Variants in CRISPLD1 observed in about 807,000 individuals in gnomAD.
CRISPLD1 encodes cysteine rich secretory protein LCCL domain containing 1, also known as cysteine-rich secretory protein LCCL domain-containing 1.
Under a neutral mutation model 77.5 loss-of-function variants are expected in CRISPLD1, and 60 were observed. That is an observed-to-expected ratio of 0.77 (90% CI 0.63 to 0.96). The LOEUF is 0.96. Among genes scored for constraint, CRISPLD1 ranks in the 40% least tolerant of loss-of-function variants. The pLI is 0.00. For synonymous variants in CRISPLD1, 195 were observed against 200.1 expected (o/e 0.97, Z 0.22); for missense variants, 623 against 615.8 (o/e 1.01, Z -0.12).
chr8:75,001,451 G>A (rs569812632), intron 2 of CRISPLD1, among the ~76,000 whole-genome samples: 1 of 152,204 alleles, frequency 6.6e-6, no homozygotes, highest in East Asian at 1.9e-4. Context: ...TTGATGAACT[G>A]TTTTCAAGAT....
intron 2 of CRISPLD1, among the ~76,000 whole-genome samples, chr8:74,990,880 G>A (rs1276024447): frequency 2.0e-5 from 3 of 151,360 alleles, no homozygotes; most frequent in Non-Finnish European, 2.9e-5. Context: ...GCCAAATTGT[G>A]TAGGTTCTGT....
chr8:74,985,644 T>C (rs1250546447), intron 1 of CRISPLD1, among the ~76,000 whole-genome samples: 1 of 152,182 alleles, frequency 6.6e-6, no homozygotes, highest in African/African-American at 2.4e-5. Flanking sequence ...ATTTTCAAGC[T>C]TTGACTCTTC....
intron 2 of CRISPLD1, among the ~76,000 whole-genome samples, chr8:75,008,726 G>C (rs1047097518): frequency 6.6e-6 from 1 of 151,956 alleles, no homozygotes; most frequent in African/African-American, 2.4e-5. Flanking sequence ...GCTTTTCCCA[G>C]TATTTTTAAT....
chr8:75,029,630 C>T, intron 14 of CRISPLD1, 113 bp downstream of exon 14: 1 of 1,064,764 alleles, frequency 9.4e-7, no homozygotes, highest in Non-Finnish European at 1.3e-6. Flanking sequence ...AGTTAAGTGG[C>T]AGAGCCAGTG....
chr8:75,022,593 A>G (rs1286100326), intron 12 of CRISPLD1, among the ~76,000 whole-genome samples: 1 of 151,264 alleles, frequency 6.6e-6, no homozygotes, highest in Non-Finnish European at 1.5e-5. Flanking sequence ...GTCTCAGAAA[A>G]AAAAAAAAAA....
chr8:75,012,456 A>T lies in CRISPLD1; in HGVS notation c.282A>T (p.Arg94Ser). 1 of 1,612,396 alleles carries T rather than the reference A, an allele frequency of 6.2e-7. No individual in the cohort carries two copies. Among genetic ancestry groups the T allele is most frequent in the Non-Finnish European group, 8.5e-7 (1 of 1,178,604 alleles). The change falls in exon 3 of 15, where the codon AGA becomes AGT. Residue 94 changes from arginine (R) to serine (S), a missense_variant. Arg to Ser is a moderately radical substitution (Grantham distance 110). Coordinates refer to ENST00000262207, the MANE Select transcript of CRISPLD1 (RefSeq NM_031461.6). ...EYMTWDVELE[R>S]SAESWAESCL... ...AGACATGGGATGTAGAGCTGGAAAG[A>T]TCTGCAGAATCCTGGGCTGAAAGTT...
At chr8:75,012,617 C>A in intron 3 of CRISPLD1, 66 bp downstream of exon 3, 2 of 1,104,084 alleles carry the variant, frequency 1.8e-6, no homozygotes, top group Non-Finnish European at 2.8e-6. Context: ...CTTATTAATT[C>A]ATCAGTACAA....
intron 14 of CRISPLD1, among the ~76,000 whole-genome samples, chr8:75,030,643 G>A (rs150905230): frequency 2.6e-5 from 4 of 151,566 alleles, no homozygotes; most frequent in Non-Finnish European, 4.4e-5. Flanking sequence ...GCTCAGCTTC[G>A]ACAGCCCTGA....
intron 14 of CRISPLD1, among the ~76,000 whole-genome samples, 173 bp from the exon 15 acceptor site, chr8:75,032,018 T>C (rs1355176438): frequency 3.3e-5 from 5 of 152,016 alleles, no homozygotes; most frequent in Admixed American, 2.0e-4. Flanking sequence ...TTAAGAGTTA[T>C]GTCATCCTCA....
At chr8:75,018,663 A>G (rs1176964941) in intron 10 of CRISPLD1, among the ~76,000 whole-genome samples, 3 of 151,620 alleles carry the variant, frequency 2.0e-5, no homozygotes, top group African/African-American at 7.3e-5. Context: ...CCAAAAAAAA[A>G]ATTTTTTTTA....
chr8:75,026,486 T>C (rs1340314059), intron 13 of CRISPLD1: 2 of 152,204 alleles, frequency 1.3e-5, no homozygotes, highest in Non-Finnish European at 2.9e-5. Context: ...GATAGCTTTG[T>C]CTCTAAGCTG....
chr8:75,018,540 C>G (rs1813077482), intron 10 of CRISPLD1, among the ~76,000 whole-genome samples: 1 of 152,060 alleles, frequency 6.6e-6, no homozygotes, highest in East Asian at 1.9e-4. Context: ...ATCCACCCGC[C>G]TCAGCCTCAC....
At chr8:74,986,282 T>C (rs1361705923) in intron 2 of CRISPLD1, 37 bp downstream of exon 2, 2 of 1,575,628 alleles carry the variant, frequency 1.3e-6, no homozygotes, top group Admixed American at 1.7e-5. Flanking sequence ...ACAAAAGAAA[T>C]GTTTATTCAT....
At chr8:74,990,898 G>A (rs1367899407) in intron 2 of CRISPLD1, among the ~76,000 whole-genome samples, 1 of 151,414 alleles carries the variant, frequency 6.6e-6, no homozygotes, top group African/African-American at 2.4e-5. Flanking sequence ...TGTCTCAAAT[G>A]TCTTTCGAAT....
At chr8:75,024,634 C>T (rs1032651974) in intron 12 of CRISPLD1, among the ~76,000 whole-genome samples, 13 of 151,990 alleles carry the variant, frequency 8.6e-5, no homozygotes, top group African/African-American at 2.9e-4. Context: ...TGGACTTGTA[C>T]GTTTTAATAT....
In CRISPLD1 at chr8:75,012,489, G is replaced by A; in HGVS notation, c.315G>A (p.Trp105Ter). ...SAESWAESCL[W>*]EHGPASLLPS... ...AATCCTGGGCTGAAAGTTGCTTGTG[G>A]GAACATGGACCTGCAAGCTTGCTTC... is the stretch of plus-strand genomic sequence containing the variant. The change falls in exon 3 of 15, where the codon TGG (tryptophan) becomes TGA (stop). Residue 105 changes from tryptophan (W) to a stop codon, truncating the protein, a stop_gained. Transcript: ENST00000262207. LOFTEE classifies it high-confidence loss of function. 4 of 1,613,214 alleles carry A rather than the reference G, an allele frequency of 2.5e-6. No homozygotes were observed. The highest frequency in any genetic ancestry group is 3.4e-6 in the Non-Finnish European group (4 of 1,179,386).
In CRISPLD1 at chr8:75,032,255, G is replaced by T. The variant is rs1294239819; in HGVS notation, c.*13G>T. On this transcript the variant is annotated 3_prime_UTR_variant, in exon 15 of 15. Coordinates refer to ENST00000262207, the MANE Select transcript of CRISPLD1 (RefSeq NM_031461.6). Reference sequence around the variant, plus strand: ...TGCTGTTGTGTGAAACTGAATACTTGGAAGAGGACCATAAAGACTATTCCA... The same window carrying T: ...TGCTGTTGTGTGAAACTGAATACTTTGAAGAGGACCATAAAGACTATTCCA... 6.3e-7 allele frequency: 1 copy of T among 1,594,032 alleles called. No individual in the cohort carries two copies. Among genetic ancestry groups the T allele is most frequent in the Non-Finnish European group, 8.6e-7 (1 of 1,165,536 alleles).
intron 10 of CRISPLD1, among the ~76,000 whole-genome samples, chr8:75,018,784 G>C (rs1024775160): frequency 6.6e-6 from 1 of 151,990 alleles, no homozygotes; most frequent in African/African-American, 2.4e-5. Flanking sequence ...TAGAGATGGG[G>C]TTTCATCAGG....
chr8:74,988,679 CA>C (rs1481767193), intron 2 of CRISPLD1, among the ~76,000 whole-genome samples: 1 of 151,902 alleles, frequency 6.6e-6, no homozygotes, highest in South Asian at 2.1e-4. Flanking sequence ...ACTAAAAATA[CA>C]AAAAATTAGC....
Sources: allele counts gnomAD v4.1 joint callset (sites outside exome capture counted in the v4.1 genomes callset), GRCh38; gene constraint gnomAD v4.1.1; transcripts MANE v1.5; gene names NCBI Gene and HGNC (gene_info 2026-07-23, HGNC 2026-07-21).